The following NAA15 variants were observed in gnomAD, a reference collection of about 807,000 sequenced individuals.
NAA15 encodes N-terminal acetyltransferase.
NAA15 carries 34 observed loss-of-function variants against 114.0 expected under a neutral mutation model. The observed-to-expected ratio is 0.30, with a 90% confidence interval of 0.23 to 0.40. NAA15 has a LOEUF of 0.40. Ranked by LOEUF, NAA15 falls within the 10% of genes least tolerant of loss-of-function variation. The probability of loss-of-function intolerance (pLI) is 1.00; values close to 1 mark genes in which losing one functional copy is unlikely to be tolerated. For synonymous variants in NAA15, 340 were observed against 338.0 expected (o/e 1.01, Z -0.06); for missense variants, 658 against 1,004.5 (o/e 0.66, Z 4.66).
intron 6 of NAA15, among the ~76,000 whole-genome samples, chr4:139,346,282 C>T (rs1367071593): frequency 1.3e-5 from 2 of 152,120 alleles, no homozygotes; most frequent in Non-Finnish European, 2.9e-5. Flanking sequence ...CCTCTAATTG[C>T]TTCCGTTTTC....
At chr4:139,352,389 G>A (rs960313409) in intron 9 of NAA15, among the ~76,000 whole-genome samples, 3 of 151,980 alleles carry the variant, frequency 2.0e-5, no homozygotes, top group Non-Finnish European at 2.9e-5. Flanking sequence ...GATTACAAGC[G>A]TGAGCCACCG....
chr4:139,317,880 C>A (rs953245243), intron 1 of NAA15, among the ~76,000 whole-genome samples: 1 of 152,122 alleles, frequency 6.6e-6, no homozygotes. Flanking sequence ...TGTGTGTAAT[C>A]CTTGTTTTGC....
intron 1 of NAA15, among the ~76,000 whole-genome samples, chr4:139,320,630 C>G (rs951225269): frequency 6.6e-6 from 1 of 152,188 alleles, no homozygotes; most frequent in African/African-American, 2.4e-5. Context: ...AAGCGATTCT[C>G]CTGCCTCTGC....
intron 15 of NAA15, among the ~76,000 whole-genome samples, chr4:139,375,431 T>C (rs907529857): frequency 6.6e-6 from 1 of 152,174 alleles, no homozygotes; most frequent in Non-Finnish European, 1.5e-5. Context: ...TCCCATAGAA[T>C]TCACTTCACT....
At chr4:139,371,765 G>A (rs561396772) in intron 15 of NAA15, among the ~76,000 whole-genome samples, 7 of 152,078 alleles carry the variant, frequency 4.6e-5, no homozygotes, top group African/African-American at 1.7e-4. Context: ...CCATCTTTAT[G>A]CCCCCACTTT....
chr4:139,313,931 G>A lies in NAA15; in HGVS notation c.54+12100G>A, dbSNP rs139561843. On this transcript the variant is annotated intron_variant, in intron 1 of 19. Coordinates refer to ENST00000296543, the MANE Select transcript of NAA15 (RefSeq NM_057175.5). ...AAGTCGCTGCGCTTTGCAAAATCAC[G>A]CAATAAAAACCACAGGGCTTATGGG... Among the ~76,000 whole-genome samples, 632 of 151,832 alleles carry A rather than the reference G, an allele frequency of 4.2e-3. 12 individuals carry two copies. The highest frequency in any genetic ancestry group is 0.014 in the African/African-American group (581 of 41,328).
intron 10 of NAA15, among the ~76,000 whole-genome samples, chr4:139,355,574 T>G (rs1210104868): frequency 6.6e-6 from 1 of 152,110 alleles, no homozygotes; most frequent in Non-Finnish European, 1.5e-5. Context: ...TTTTAAAAAA[T>G]TAAATAAAAT....
At chr4:139,312,125 A>G (rs1746245463) in intron 1 of NAA15, among the ~76,000 whole-genome samples, 1 of 152,158 alleles carries the variant, frequency 6.6e-6, no homozygotes, top group South Asian at 2.1e-4. Context: ...ATCAGCATTC[A>G]TATCTAAATA....
intron 1 of NAA15, among the ~76,000 whole-genome samples, chr4:139,324,524 A>C (rs1746725722): frequency 6.6e-6 from 1 of 152,234 alleles, no homozygotes; most frequent in Non-Finnish European, 1.5e-5. Flanking sequence ...CTACTGTGTC[A>C]CTTTATAAAA....
rs773689400 is a variant in NAA15, at chr4:139,351,627, A to T, written c.1014+16A>T. ...CAAAGAAAAGGTAAAGTGAAATATG[A>T]TACTTTCTTTTGGCTACCATTTCTT... On this transcript the variant is annotated intron_variant, in intron 9 of 19. Coordinates refer to ENST00000296543, the MANE Select transcript of NAA15 (RefSeq NM_057175.5). The T allele has an allele frequency of 7.8e-7, 1 of 1,281,660 alleles. No individual in the cohort carries two copies. Among genetic ancestry groups the T allele is most frequent in the South Asian group, 1.2e-5 (1 of 82,362 alleles). 79.4% of individuals were successfully genotyped at this position (1,281,660 alleles called of 1,614,324 possible). A position where few individuals can be genotyped will look rare whatever the true frequency, so the allele number is the denominator to read the frequency against.
At chr4:139,328,373 A>G (rs1403611310) in intron 1 of NAA15, among the ~76,000 whole-genome samples, 1 of 151,352 alleles carries the variant, frequency 6.6e-6, no homozygotes, top group Non-Finnish European at 1.5e-5. Flanking sequence ...CGCCTGGCTA[A>G]CTTTTGTATT....
intron 3 of NAA15, among the ~76,000 whole-genome samples, chr4:139,339,195 G>T (rs561896924): frequency 6.6e-6 from 1 of 152,238 alleles, no homozygotes; most frequent in South Asian, 2.1e-4. Flanking sequence ...TTTTGAGTGT[G>T]TTTTAAAAAG....
chr4:139,333,300 AAGGCCGTATATTTGT>A (rs1747086210), intron 1 of NAA15, among the ~76,000 whole-genome samples: 1 of 152,188 alleles, frequency 6.6e-6, no homozygotes, highest in Non-Finnish European at 1.5e-5. Context: ...CTGACTTTTG[AAGGCCGTATATTTGT>A]CTTCTAGATT....
At chr4:139,378,301 A>T (rs1340848161) in intron 16 of NAA15, among the ~76,000 whole-genome samples, 1 of 152,208 alleles carries the variant, frequency 6.6e-6, no homozygotes, top group African/African-American at 2.4e-5. Context: ...AACCTTGGTA[A>T]CTATTCTACC....
At chr4:139,310,847 G>A (rs1465865426) in intron 1 of NAA15, among the ~76,000 whole-genome samples, 1 of 151,740 alleles carries the variant, frequency 6.6e-6, no homozygotes, top group Non-Finnish European at 1.5e-5. Context: ...TTGAACTCCA[G>A]GCCTCAGGTG....
chr4:139,313,752 G>A (rs1027187571), intron 1 of NAA15, among the ~76,000 whole-genome samples: 3 of 151,644 alleles, frequency 2.0e-5, no homozygotes, highest in African/African-American at 4.9e-5. Flanking sequence ...CCATTGGCTG[G>A]CCTCTAACTC....
At chr4:139,315,018 T>TCAGTTCAGTTCAGTTCAGTTC (rs1560952877) in intron 1 of NAA15, among the ~76,000 whole-genome samples, 1 of 108,730 alleles carries the variant, frequency 9.2e-6, no homozygotes, top group African/African-American at 4.6e-5. Flanking sequence ...TAGGTTAGGT[T>TCAGTTCAGTTCAGTTCAGTTC]AGGTTAGGTT....
intron 10 of NAA15, among the ~76,000 whole-genome samples, chr4:139,356,015 C>A (rs1747938172): frequency 6.6e-6 from 1 of 152,086 alleles, no homozygotes; most frequent in South Asian, 2.1e-4. Context: ...TTTAAAATTT[C>A]TTTACCAGTT....
intron 4 of NAA15, 73 bp downstream of exon 4, chr4:139,341,142 A>G (rs763205296): frequency 4.9e-5 from 53 of 1,089,082 alleles, no homozygotes; most frequent in Non-Finnish European, 6.3e-5. Flanking sequence ...TTTCAGATAC[A>G]TAAATTTTTT....
Sources: gnomAD v4.1 joint callset for allele counts (sites outside exome capture counted in the v4.1 genomes callset) on GRCh38, gnomAD v4.1.1 for gene constraint, MANE v1.5 for transcripts, NCBI Gene and HGNC (gene_info 2026-07-23, HGNC 2026-07-21) for gene names.